The following SEZ6L variants were observed in gnomAD, a reference collection of about 807,000 sequenced individuals.
The protein encoded by SEZ6L is seizure related 6 homolog like, also known as seizure 6-like protein.
In SEZ6L, 37 loss-of-function variants were observed where a neutral mutation model predicts 106.2. That is an observed-to-expected ratio of 0.35 (90% confidence interval 0.27 to 0.46). The LOEUF is 0.46. SEZ6L is among the 20% of genes least tolerant of loss of function. The pLI is 1.00. For missense variants in SEZ6L, 1,172 were observed against 1,332.8 expected (o/e 0.88, Z 1.88); for synonymous variants, 541 against 570.4 (o/e 0.95, Z 0.73).
intron 1 of SEZ6L, among the ~76,000 whole-genome samples, chr22:26,275,169 TC>T (rs1364863691): frequency 4.6e-5 from 7 of 152,254 alleles, no homozygotes; most frequent in African/African-American, 1.7e-4. Context: ...ATACAGATGG[TC>T]CCCAACTTAC....
chr22:26,341,315 T>C (rs1329459708), intron 10 of SEZ6L, among the ~76,000 whole-genome samples: 6 of 151,902 alleles, frequency 3.9e-5, no homozygotes, highest in Admixed American at 3.9e-4. Flanking sequence ...GCTCACACAC[T>C]CCTATGACCC....
intron 4 of SEZ6L, among the ~76,000 whole-genome samples, chr22:26,297,839 C>G (rs974178801): frequency 2.0e-5 from 3 of 151,252 alleles, no homozygotes; most frequent in Non-Finnish European, 4.4e-5. Context: ...TTCTCTCTCT[C>G]TCTCCTTTCC....
chr22:26,212,715 G>A (rs750496715), intron 1 of SEZ6L, among the ~76,000 whole-genome samples: 1 of 152,208 alleles, frequency 6.6e-6, no homozygotes, highest in African/African-American at 2.4e-5. Context: ...GAGCCACCAC[G>A]CCTGGCCAAG....
rs554719735 is a variant in SEZ6L at position 26,225,780 on chromosome 22, G to A, written c.94+56017G>A. Among the ~76,000 whole-genome samples, 9 of 152,278 alleles carry A rather than the reference G, an allele frequency of 5.9e-5. No individual in the cohort carries two copies. The South Asian group carries it at 1.9e-3, about 32-fold the overall frequency. Reference sequence around the variant, plus strand: ...GACTGTGGCTGTCTGGAAGGTGAAGGAGTTTGCAAATAAAGAATGGCTTCT... The same window carrying A: ...GACTGTGGCTGTCTGGAAGGTGAAGAAGTTTGCAAATAAAGAATGGCTTCT... On this transcript the variant is annotated intron_variant, in intron 1 of 16. Transcript: ENST00000248933.
chr22:26,265,597 G>A (rs1008404776), intron 1 of SEZ6L, among the ~76,000 whole-genome samples: 4 of 152,214 alleles, frequency 2.6e-5, no homozygotes, highest in Admixed American at 1.3e-4. Flanking sequence ...GCTGCAAACC[G>A]CCTGTTAGCC....
intron 1 of SEZ6L, among the ~76,000 whole-genome samples, chr22:26,201,018 T>C (rs905939820): frequency 6.6e-6 from 1 of 152,142 alleles, no homozygotes; most frequent in Non-Finnish European, 1.5e-5. Flanking sequence ...ACAGGGCTGG[T>C]TCCCCCAACA....
intron 10 of SEZ6L, among the ~76,000 whole-genome samples, chr22:26,344,707 A>G (rs565269710): frequency 1.3e-5 from 2 of 152,356 alleles, no homozygotes; most frequent in South Asian, 4.1e-4. Flanking sequence ...AGATGCTCAT[A>G]ATATCTCAGT....
intron 9 of SEZ6L, among the ~76,000 whole-genome samples, chr22:26,328,139 A>G (rs1407589517): frequency 2.0e-5 from 3 of 152,148 alleles, no homozygotes; most frequent in Admixed American, 1.3e-4. Flanking sequence ...CAATTTGTGG[A>G]TTCTGCGATT....
At chr22:26,215,343 C>T (rs2078270911) in intron 1 of SEZ6L, among the ~76,000 whole-genome samples, 1 of 151,960 alleles carries the variant, frequency 6.6e-6, no homozygotes, top group Non-Finnish European at 1.5e-5. Flanking sequence ...AACATTTTAC[C>T]CAATAGGTAA....
chr22:26,222,241 C>T (rs2078499580), intron 1 of SEZ6L, among the ~76,000 whole-genome samples: 1 of 152,228 alleles, frequency 6.6e-6, no homozygotes, highest in South Asian at 2.1e-4. Context: ...CCCAGCCTCA[C>T]AGGAACTTAG....
intron 13 of SEZ6L, among the ~76,000 whole-genome samples, chr22:26,366,849 A>T (rs1300878895): frequency 6.6e-6 from 1 of 151,800 alleles, no homozygotes. Flanking sequence ...GGGTCTTGCT[A>T]TGTTGGCCAG....
chr22:26,376,317 A>C (rs2084222811), intron 15 of SEZ6L, among the ~76,000 whole-genome samples: 1 of 152,256 alleles, frequency 6.6e-6, no homozygotes, highest in South Asian at 2.1e-4. Flanking sequence ...GAAACTGATA[A>C]GTGCAGGAAG....
At chr22:26,171,410 A>C (rs899368695) in intron 1 of SEZ6L, among the ~76,000 whole-genome samples, 1 of 151,108 alleles carries the variant, frequency 6.6e-6, no homozygotes, top group Non-Finnish European at 1.5e-5. Context: ...TGACTAACAC[A>C]CATATAAAAA....
Position 26,379,725 on chromosome 22 carries a change from T to C in SEZ6L, c.3046-541T>C, listed in dbSNP as rs533471899. ...GCATTCTATGTAGCTTGCTTTGAAA[T>C]CATGGGAAAAGGTCAGACTGAAATA... On this transcript the variant is annotated intron_variant, in intron 16 of 16. Coordinates refer to ENST00000248933, the MANE Select transcript of SEZ6L (RefSeq NM_021115.5). Among the ~76,000 whole-genome samples, 201 of 152,340 alleles carry C rather than the reference T, an allele frequency of 1.3e-3. 2 individuals are homozygous for C. Among genetic ancestry groups the C allele is most frequent in the African/African-American group, 4.7e-3 (194 of 41,574 alleles).
chr22:26,240,046 A>G (rs1026342654), intron 1 of SEZ6L, among the ~76,000 whole-genome samples: 19 of 144,866 alleles, frequency 1.3e-4, no homozygotes, highest in Admixed American at 7.0e-4. Flanking sequence ...TATCCCCTCA[A>G]CACACACATA....
At chr22:26,281,374 C>CTTTTTTTTTTTTT (rs769088373) in intron 1 of SEZ6L, among the ~76,000 whole-genome samples, 1 of 130,596 alleles carries the variant, frequency 7.7e-6, no homozygotes, top group Admixed American at 8.1e-5. Flanking sequence ...TTCTTTCTTT[C>CTTTTTTTTTTTTT]TTTTTTTTTT....
chr22:26,306,062 T>C lies in SEZ6L; in HGVS notation c.1432T>C (p.Phe478Leu). The C allele has an allele frequency of 6.3e-7, 1 of 1,599,962 alleles. No individual in the cohort carries two copies. The highest frequency in any genetic ancestry group is 2.3e-5 in the East Asian group (1 of 43,982). ...CCCTGAAAACACAAATGGGAGCCAA[T>C]TCTGCATCTGGACGATTGAAGCTCC... ...SYPENTNGSQ[F>L]CIWTIEAPEG... The change falls in exon 6 of 17, where the codon TTC becomes CTC. Residue 478 changes from phenylalanine (F) to leucine (L), a missense_variant. By Grantham distance (22) the Phe-to-Leu change is conservative. Transcript: ENST00000248933.
At chr22:26,340,963 C>T (rs1569470140) in intron 10 of SEZ6L, among the ~76,000 whole-genome samples, 2 of 152,162 alleles carry the variant, frequency 1.3e-5, no homozygotes, top group African/African-American at 2.4e-5. Flanking sequence ...ACTTATGTTT[C>T]ATGTGTGGTC....
chr22:26,295,309 G>A (rs1005099032), intron 3 of SEZ6L, among the ~76,000 whole-genome samples: 1 of 152,212 alleles, frequency 6.6e-6, no homozygotes. Context: ...CGACCATGCA[G>A]TGCATGTTAT....
Sources: gnomAD v4.1 joint callset for allele counts (sites outside exome capture counted in the v4.1 genomes callset) on GRCh38, gnomAD v4.1.1 for gene constraint, MANE v1.5 for transcripts, NCBI Gene and HGNC (gene_info 2026-07-23, HGNC 2026-07-21) for gene names.